WNK3: variants seen among roughly 807,000 people sequenced by gnomAD.
WNK3 encodes serine/threonine-protein kinase WNK3.
Under a neutral mutation model 116.7 loss-of-function variants are expected in WNK3, and 18 were observed. The observed-to-expected ratio is 0.15, with a 90% CI of 0.11 to 0.23. WNK3 has a LOEUF of 0.23. Among genes scored for constraint, WNK3 ranks in the 10% least tolerant of loss-of-function variants. WNK3 has a pLI of 1.00. For missense variants in WNK3, 993 were observed against 1,323.8 expected (o/e 0.75, Z 3.88); for synonymous variants, 404 against 469.4 (o/e 0.86, Z 1.80).
intron 20 of WNK3, among the ~76,000 whole-genome samples, chrX:54,235,231 C>T (rs188821182): frequency 7.1e-5 from 8 of 112,246 alleles, no homozygotes; most frequent in Admixed American, 1.9e-4. Context: ...AGCACTTGAA[C>T]GTAGCATCCA....
chrX:54,207,949 G>A (rs1158928904), intron 22 of WNK3, among the ~76,000 whole-genome samples: 2 of 110,655 alleles, frequency 1.8e-5, no homozygotes, highest in African/African-American at 6.6e-5. Flanking sequence ...CAGTATAATA[G>A]TTAAAAGCCA....
intron 2 of WNK3, among the ~76,000 whole-genome samples, chrX:54,319,802 T>G (rs1205560751): frequency 8.9e-6 from 1 of 111,985 alleles, no homozygotes; most frequent in Non-Finnish European, 1.9e-5. Context: ...CACCCCTACA[T>G]GCATTATTGT....
rs182959923 is a variant in WNK3, at chrX:54,313,208, G to A, written c.538-1917C>T. 4.6e-3 allele frequency among the ~76,000 whole-genome samples: 507 copies of A among 111,315 alleles called. 2 individuals carry two copies. Among genetic ancestry groups the A allele is most frequent in the Non-Finnish European group, 7.7e-3 (409 of 53,092 alleles). On this transcript the variant is annotated intron_variant, in intron 2 of 23. Coordinates refer to ENST00000354646, the Ensembl canonical transcript of WNK3. ...TTTATTTCTAATCTTATTGAGTAAT[G>A]CAAGTACAAAATCTCTCTGCTTTAA...
At chrX:54,263,065 G>A (rs782317080) in intron 10 of WNK3, among the ~76,000 whole-genome samples, 1 of 110,900 alleles carries the variant, frequency 9.0e-6, no homozygotes, top group Non-Finnish European at 1.9e-5. Context: ...CAAACCTCGG[G>A]AAGGTGTTGA....
rs142480108 is a variant in WNK3, at chrX:54,352,078, T to A, written c.-120+5608A>T. 5.0e-3 allele frequency among the ~76,000 whole-genome samples: 557 copies of A among 111,300 alleles called. 5 individuals carry two copies. The highest frequency in any genetic ancestry group is 9.3e-3 in the Middle Eastern group (2 of 216). ...AAAGACAAACAACCAAATTTTTTAATGAGCAAAGAACTTAAATAGACATCT... is the reference window on the plus strand; with the variant it reads ...AAAGACAAACAACCAAATTTTTTAAAGAGCAAAGAACTTAAATAGACATCT... On this transcript the variant is annotated intron_variant, in intron 1 of 23. Transcript: ENST00000354646.
intron 1 of WNK3, among the ~76,000 whole-genome samples, chrX:54,353,728 C>T (rs1375552292): frequency 1.9e-5 from 2 of 107,025 alleles, no homozygotes; most frequent in African/African-American, 6.8e-5. Context: ...GCCTGGGTGA[C>T]AGAGGGAGAC....
intron 10 of WNK3, among the ~76,000 whole-genome samples, chrX:54,272,869 A>C (rs2068399709): frequency 8.9e-6 from 1 of 112,488 alleles, no homozygotes; most frequent in Non-Finnish European, 1.9e-5. Flanking sequence ...AACTGGAATT[A>C]ACAAAGCAAA....
chrX:54,307,632 G>T (rs937330010), intron 5 of WNK3, among the ~76,000 whole-genome samples: 4 of 111,193 alleles, frequency 3.6e-5, no homozygotes, highest in Admixed American at 9.7e-5. Flanking sequence ...CTATTATTCA[G>T]CTTTGAAAAA....
chrX:54,255,708 T>A, intron 12 of WNK3, 32 bp downstream of exon 12: 1 of 1,193,966 alleles, frequency 8.4e-7, no homozygotes, highest in East Asian at 3.0e-5. Flanking sequence ...CCTCTATATG[T>A]ACTCTTAACC....
At chrX:54,200,722 C>T (rs2067493044) in intron 23 of WNK3, among the ~76,000 whole-genome samples, 2 of 111,546 alleles carry the variant, frequency 1.8e-5, no homozygotes, top group Non-Finnish European at 3.8e-5. Context: ...CATTATACTC[C>T]AGTAAACAGC....
intron 1 of WNK3, among the ~76,000 whole-genome samples, chrX:54,346,095 GATAT>G (rs1209120909): frequency 8.1e-5 from 6 of 74,146 alleles, no homozygotes; most frequent in Admixed American, 3.6e-4. Context: ...TTAACTCAAT[GATAT>G]ATATATATAC....
intron 10 of WNK3, among the ~76,000 whole-genome samples, chrX:54,274,557 T>C (rs782534024): frequency 1.4e-4 from 16 of 111,645 alleles, no homozygotes; most frequent in South Asian, 7.5e-4. Context: ...TTTCAAGAAA[T>C]TTTCCCTCAT....
Position 54,262,946 on chromosome X carries a change from AAAG to A in WNK3, c.2038-3611_2038-3609del, listed in dbSNP as rs1369725101. 8.6e-4 allele frequency among the ~76,000 whole-genome samples: 28 copies of A among 32,494 alleles called. 2 individuals carry two copies. The highest frequency in any genetic ancestry group is 1.6e-3 in the East Asian group (1 of 630). 28.2% of individuals were successfully genotyped at this position (32,494 alleles called of 115,157 possible). A position where few individuals can be genotyped will look rare whatever the true frequency, so the allele number is the denominator to read the frequency against. The stretch of plus-strand genomic sequence containing the variant: ...AAACTGTCTCAAAAAAAAAAAAAAA[AAAG>A]AAAAGAAAAGTAGATACAGCTACTT... On this transcript the variant is annotated intron_variant, in intron 10 of 23. Transcript: ENST00000354646.
At chrX:54,244,511 A>T (rs2068055745) in intron 17 of WNK3, among the ~76,000 whole-genome samples, 2 of 112,190 alleles carry the variant, frequency 1.8e-5, no homozygotes, top group African/African-American at 6.5e-5. Context: ...CATTTAAAAA[A>T]TATTACAAGT....
At chrX:54,222,967 C>A (rs2067788519) in intron 22 of WNK3, among the ~76,000 whole-genome samples, 1 of 91,349 alleles carries the variant, frequency 1.1e-5, no homozygotes, top group African/African-American at 4.2e-5. Flanking sequence ...AATTTAAATG[C>A]TACATTGGAA....
intron 6 of WNK3, 145 bp from the exon 7 acceptor site, chrX:54,298,539 C>T: frequency 2.2e-6 from 1 of 455,121 alleles, no homozygotes; most frequent in Non-Finnish European, 3.6e-6. Flanking sequence ...TTATAAAAAC[C>T]AAATCTCTTT....
At chrX:54,276,717 CTTT>C (rs1365637484) in intron 10 of WNK3, among the ~76,000 whole-genome samples, 1 of 98,629 alleles carries the variant, frequency 1.0e-5, no homozygotes. Context: ...GGCAACATTC[CTTT>C]TTTTTTTTTT....
chrX:54,237,437 T>C lies in WNK3; in HGVS notation c.4129A>G (p.Lys1377Glu). Residue 1377 changes from lysine to glutamate, a missense_variant, in exon 20 of 24, where the codon AAG becomes GAG. Physicochemically the swap from Lys to Glu is moderately conservative, Grantham distance 56. This residue lies in a region of WNK3 where 836 missense variants were observed against 976.5 expected (regional missense o/e 0.86). Transcript: ENST00000354646. ...GGTTCTATTTCTACCAACTGAGACT[T>C]TGCTGTTTTAATAAAGGCTTCTTCA... is the stretch of plus-strand genomic sequence containing the variant. 8.3e-7 allele frequency: 1 copy of C among 1,208,701 alleles called. No homozygotes were observed. The highest frequency in any genetic ancestry group is 1.1e-6 in the Non-Finnish European group (1 of 895,062).
intron 11 of WNK3, 112 bp from the exon 12 acceptor site, chrX:54,255,999 A>T: frequency 1.6e-6 from 1 of 640,158 alleles, no homozygotes; most frequent in African/African-American, 2.2e-5. Flanking sequence ...TAATACTACA[A>T]TCTTTTTAAA....
Sources: allele counts gnomAD v4.1 joint callset (sites outside exome capture counted in the v4.1 genomes callset), GRCh38; gene constraint gnomAD v4.1.1; regional missense constraint gnomAD v4.1.1; transcripts MANE v1.5; gene names NCBI Gene and HGNC (gene_info 2026-07-23, HGNC 2026-07-21).